The following NBEAL2 variants were observed in gnomAD, a reference collection of about 807,000 sequenced individuals.
NBEAL2 encodes the protein neurobeachin-like protein 2.
In NBEAL2, 160 loss-of-function variants were observed where a neutral mutation model predicts 299.8. The observed-to-expected ratio is 0.53, with a 90% confidence interval of 0.47 to 0.61. The LOEUF (loss-of-function observed/expected upper bound fraction) is 0.61. NBEAL2 is among the 20% of genes least tolerant of loss of function. The probability of loss-of-function intolerance (pLI) is 0.00; values close to 1 mark genes in which losing one functional copy is unlikely to be tolerated. For synonymous variants in NBEAL2, 1,493 were observed against 1,542.3 expected, an observed-to-expected ratio of 0.97 and a Z score of 0.75; for missense variants, 3,112 against 3,649.0, an observed-to-expected ratio of 0.85 and a Z score of 3.79.
rs186837008 is a variant in NBEAL2, at chr3:46,991,033, A to G, written c.557-186A>G. On this transcript the variant is annotated intron_variant, in intron 6 of 53. Transcript: ENST00000450053. The surrounding 1 kb of genome is among the most constrained non-coding windows in gnomAD (Gnocchi z 6.2). ...AAGGGTTGTCCCTTTCAGGCCCTCTACTATACAGCCATAACTCCTTAGATG... is the reference window on the plus strand; with the variant it reads ...AAGGGTTGTCCCTTTCAGGCCCTCTGCTATACAGCCATAACTCCTTAGATG... Among the ~76,000 whole-genome samples, 8 of 152,106 alleles carry G rather than the reference A, an allele frequency of 5.3e-5. No homozygotes were observed. The highest frequency in any genetic ancestry group is 6.5e-5 in the Admixed American group (1 of 15,278).
chr3:47,009,418 A>AGGGGGGTGAGC lies in NBEAL2; in HGVS notation c.*103_*113dup. 1 of 1,030,442 alleles carries AGGGGGGTGAGC rather than the reference A, an allele frequency of 9.7e-7. No homozygotes were observed. Among genetic ancestry groups the AGGGGGGTGAGC allele is most frequent in the East Asian group, 2.7e-5 (1 of 37,180 alleles). 63.8% of individuals were successfully genotyped at this position (1,030,442 alleles called of 1,614,324 possible). A position where few individuals can be genotyped will look rare whatever the true frequency, so the allele number is the denominator to read the frequency against. On this transcript the variant is annotated 3_prime_UTR_variant, in exon 54 of 54. Coordinates refer to ENST00000450053, the MANE Select transcript of NBEAL2 (RefSeq NM_015175.3). ...GGGAACACCCCGGGGTGGGCAGCCC[A>AGGGGGGTGAGC]GGGGGGTGAGCGGGGCCCACCCTGC...
chr3:46,999,262 T>C, intron 24 of NBEAL2, 53 bp from the exon 25 acceptor site: 1 of 1,567,372 alleles, frequency 6.4e-7, no homozygotes, highest in Non-Finnish European at 8.7e-7. Context: ...TGACTTCCCC[T>C]CCTACAGTAA....
chr3:47,003,720 A>G lies in NBEAL2; in HGVS notation c.5721-96A>G, dbSNP rs1358974032. On this transcript the variant is annotated intron_variant, in intron 35 of 53. Transcript: ENST00000450053. The surrounding 1 kb of genome is among the most constrained non-coding windows in gnomAD (Gnocchi z 7.0). ...CCCCATCTCTGGGAGTCATGAGAGT[A>G]TATACCCCATGACTCAATGGCACTT... 3 of 1,419,192 alleles carry G rather than the reference A, an allele frequency of 2.1e-6. No individual in the cohort carries two copies. Among genetic ancestry groups the G allele is most frequent in the Non-Finnish European group, 2.8e-6 (3 of 1,056,312 alleles). 87.9% of individuals were successfully genotyped at this position (1,419,192 alleles called of 1,614,324 possible). A position where few individuals can be genotyped will look rare whatever the true frequency, so the allele number is the denominator to read the frequency against.
Position 47,005,857 on chromosome 3 carries a change from G to A in NBEAL2, c.6801+10G>A. 6.2e-7 allele frequency: 1 copy of A among 1,613,158 alleles called. No individual in the cohort carries two copies. Among genetic ancestry groups the A allele is most frequent in the Non-Finnish European group, 8.5e-7 (1 of 1,179,628 alleles). On this transcript the variant is annotated intron_variant, in intron 42 of 53. Transcript: ENST00000450053. ...GCACCGCCAGGCTCTGGTGAGGAAG[G>A]AACCACAGGCAAACGGCAGGCAGCC...
intron 18 of NBEAL2, 104 bp from the exon 19 acceptor site, chr3:46,997,155 C>A: frequency 7.0e-6 from 11 of 1,561,136 alleles, no homozygotes; most frequent in Non-Finnish European, 9.6e-6. Flanking sequence ...TTTGGACAGT[C>A]CAGCTCAAGA....
In NBEAL2 at chr3:47,007,655, C is replaced by G. The variant is rs774585045; in HGVS notation, c.7465C>G (p.Leu2489Val). The change falls in exon 48 of 54, where the codon CTA becomes GTA. Residue 2489 changes from leucine (L) to valine (V), a missense_variant. Leu to Val is a conservative substitution (Grantham distance 32). This residue lies in a region of NBEAL2 where 348 missense variants were observed against 381.4 expected (regional missense o/e 0.91). Coordinates refer to ENST00000450053, the MANE Select transcript of NBEAL2 (RefSeq NM_015175.3). ...GGATGGCAGCCTGCGGGTGACTGCA[C>G]TACCCCGTGGCAAGCTGTTGAGCCA... ...HWDGSLRVTA[L>V]PRGKLLSQLS... The G allele has an allele frequency of 6.2e-7, 1 of 1,611,072 alleles. No individual in the cohort carries two copies. The highest frequency in any genetic ancestry group is 8.5e-7 in the Non-Finnish European group (1 of 1,178,834).
chr3:46,999,949 T>G lies in NBEAL2; in HGVS notation c.3850T>G (p.Trp1284Gly). ...VVRLLARQAG[W>G]QDVLTRLYVL... ...GCGGCTTCTGGCCCGACAGGCTGGCTGGCAAGATGTGCTGACCCGGCTATA... is the reference window on the plus strand; with the variant it reads ...GCGGCTTCTGGCCCGACAGGCTGGCGGGCAAGATGTGCTGACCCGGCTATA... Residue 1284 changes from tryptophan (W) to glycine (G), a missense_variant, in exon 27 of 54, where the codon TGG (tryptophan) becomes GGG (glycine). Physicochemically the swap from Trp to Gly is radical, Grantham distance 184. Around this residue, in one of 3 missense-constraint regions of NBEAL2, gnomAD observed 2,243 missense variants for 2,538.1 expected, o/e 0.88. Coordinates refer to ENST00000450053, the MANE Select transcript of NBEAL2 (RefSeq NM_015175.3). The G allele has an allele frequency of 6.2e-7, 1 of 1,611,706 alleles. No homozygotes were observed. The highest frequency in any genetic ancestry group is 8.5e-7 in the Non-Finnish European group (1 of 1,179,422).
chr3:46,997,983 G>T lies in NBEAL2; in HGVS notation c.2959-84G>T. The T allele has an allele frequency of 3.4e-6, 5 of 1,451,120 alleles. No homozygotes were observed. In the South Asian group the frequency reaches 5.5e-5, roughly 16 times the overall value. 89.9% of individuals were successfully genotyped at this position (1,451,120 alleles called of 1,614,324 possible). A position where few individuals can be genotyped will look rare whatever the true frequency, so the allele number is the denominator to read the frequency against. ...GGCCATGTTTGTGGCCGTCATGGCT[G>T]TGCAGGGAAGAGTGGCAGCTGAAAA... On this transcript the variant is annotated intron_variant, in intron 20 of 53. Coordinates refer to ENST00000450053, the MANE Select transcript of NBEAL2 (RefSeq NM_015175.3).
rs748599152 is a variant in NBEAL2, at chr3:46,996,720, C to A, written c.2474-31C>A. Reference sequence around the variant, plus strand: ...GGATGGGGTTTGGCCAGAGGCCTAGCAAGGTCTGAAGCCCCCTGCCCACCT... The same window carrying A: ...GGATGGGGTTTGGCCAGAGGCCTAGAAAGGTCTGAAGCCCCCTGCCCACCT... On this transcript the variant is annotated intron_variant, in intron 16 of 53. Transcript: ENST00000450053. 5.6e-6 allele frequency: 9 copies of A among 1,602,964 alleles called. No homozygotes were observed. In the South Asian group the frequency reaches 8.9e-5, roughly 16 times the overall value.
At position 47,008,395 on chromosome 3, in the gene NBEAL2, G is replaced by A. The variant is rs949059196; in HGVS notation, c.7832G>A (p.Gly2611Asp). Residue 2611 changes from glycine to aspartate, a missense_variant, in exon 51 of 54, where the codon GGC becomes GAC. Gly to Asp is a moderately conservative substitution (Grantham distance 94). Transcript: ENST00000450053. ...TTCCACCTGGCATTGGGGTCCGAAGGCCAGATTGTGGTACAGAGCTCAGCG... is the reference window on the plus strand; with the variant it reads ...TTCCACCTGGCATTGGGGTCCGAAGACCAGATTGTGGTACAGAGCTCAGCG... Reference protein sequence around the residue: ...PIFHLALGSEGQIVVQSSAWE... With the variant: ...PIFHLALGSEDQIVVQSSAWE... 1.2e-6 allele frequency: 2 copies of A among 1,613,958 alleles called. No homozygotes were observed. Among genetic ancestry groups the A allele is most frequent in the South Asian group, 2.2e-5 (2 of 91,086 alleles).
In NBEAL2 at chr3:47,005,847, G is replaced by C; in HGVS notation, c.6801G>C (p.Leu2267=). 1 of 1,613,336 alleles carries C rather than the reference G, an allele frequency of 6.2e-7. No individual in the cohort carries two copies. Among genetic ancestry groups the C allele is most frequent in the Non-Finnish European group, 8.5e-7 (1 of 1,179,746 alleles). Reference sequence around the variant, plus strand: ...TCATCCAGCAGCACCGCCAGGCTCTGGTGAGGAAGGAACCACAGGCAAACG... The same window carrying C: ...TCATCCAGCAGCACCGCCAGGCTCTCGTGAGGAAGGAACCACAGGCAAACG... The part of the protein sequence containing the change: ...EDFIQQHRQA[L]ESEYVSAHLH... The change falls in exon 42 of 54, where the codon CTG becomes CTC. Residue 2267 remains leucine (L), a splice_region_variant and synonymous_variant. Transcript: ENST00000450053.
intron 10 of NBEAL2, among the ~76,000 whole-genome samples, 184 bp downstream of exon 10, chr3:46,992,739 G>GA (rs1263960049): frequency 6.6e-6 from 1 of 152,218 alleles, no homozygotes; most frequent in Non-Finnish European, 1.5e-5. Flanking sequence ...AGGACAGAAG[G>GA]TGGTCTATCC....
In NBEAL2 at chr3:46,994,518, C is replaced by T. The variant is rs1440653530; in HGVS notation, c.1261C>T (p.Pro421Ser). ...LQEVLQSHGP[P>S]THRLLQELLN... The stretch of plus-strand genomic sequence containing the variant: ...GGAGGTTCTGCAGAGCCATGGTCCC[C>T]CCACCCATCGGCTGTTGCAAGAGCT... The change falls in exon 12 of 54, where the codon CCC becomes TCC. Residue 421 changes from proline to serine, a missense_variant. Pro to Ser is a moderately conservative substitution (Grantham distance 74). This residue lies in a region of NBEAL2 where 2,243 missense variants were observed against 2,538.1 expected (regional missense o/e 0.88). Coordinates refer to ENST00000450053, the MANE Select transcript of NBEAL2 (RefSeq NM_015175.3). 3.1e-6 allele frequency: 5 copies of T among 1,592,710 alleles called. No homozygotes were observed. Among genetic ancestry groups the T allele is most frequent in the South Asian group, 1.1e-5 (1 of 87,936 alleles).
intron 10 of NBEAL2, among the ~76,000 whole-genome samples, chr3:46,993,372 G>C (rs890207873): frequency 6.6e-6 from 1 of 152,202 alleles, no homozygotes; most frequent in Non-Finnish European, 1.5e-5. Context: ...GACCCCCTCA[G>C]GGTGGGGCAG....
rs1397004161 is a variant in NBEAL2, at chr3:47,005,748, G to A, written c.6702G>A (p.Leu2234=). The A allele has an allele frequency of 6.2e-7, 1 of 1,613,164 alleles. No homozygotes were observed. The highest frequency in any genetic ancestry group is 8.5e-7 in the Non-Finnish European group (1 of 1,179,880). ...DFLENQNGFD[L]GCLQLTNEKV... ...AGTCCTCTGTGCCAGGTTTTGACCTGGGCTGTCTCCAGCTGACCAACGAGA... is the reference window on the plus strand; with the variant it reads ...AGTCCTCTGTGCCAGGTTTTGACCTAGGCTGTCTCCAGCTGACCAACGAGA... The change falls in exon 42 of 54, where the codon CTG becomes CTA. Residue 2234 remains leucine, a synonymous_variant. Transcript: ENST00000450053.
In NBEAL2 at chr3:47,004,477, G is replaced by A; in HGVS notation, c.6199-18G>A. On this transcript the variant is annotated intron_variant, in intron 37 of 53. Coordinates refer to ENST00000450053, the MANE Select transcript of NBEAL2 (RefSeq NM_015175.3). This position sits in a 1 kb window ranked among gnomAD's most constrained non-coding sequence, Gnocchi z 5.0. ...GGACAGCCCACCTGGCTCACATCTT[G>A]TCTGCCCCTGTCCCCAGAAATGGGT... The A allele has an allele frequency of 6.2e-7, 1 of 1,612,042 alleles. No individual in the cohort carries two copies. Among genetic ancestry groups the A allele is most frequent in the South Asian group, 1.1e-5 (1 of 91,010 alleles).
rs2035184756 is a variant in NBEAL2, at chr3:46,979,882, G to T, written c.21G>T (p.Leu7=). The change falls in exon 1 of 54, where the codon CTG becomes CTT. Residue 7 remains leucine (L), a synonymous_variant. Coordinates refer to ENST00000450053, the MANE Select transcript of NBEAL2 (RefSeq NM_015175.3). Reference sequence around the variant, plus strand: ...GGGCCATGGCCGCCTCGGAGCGGCTGTACGAGTTGTGGCTGCTCTACTACG... The same window carrying T: ...GGGCCATGGCCGCCTCGGAGCGGCTTTACGAGTTGTGGCTGCTCTACTACG... MAASER[L]YELWLLYYAQ... 1 of 470,266 alleles carries T rather than the reference G, an allele frequency of 2.1e-6. No individual in the cohort carries two copies. 29.1% of individuals were successfully genotyped at this position (470,266 alleles called of 1,614,324 possible).
intron 10 of NBEAL2, among the ~76,000 whole-genome samples, chr3:46,993,047 G>A (rs1274673135): frequency 1.3e-5 from 2 of 152,196 alleles, no homozygotes; most frequent in African/African-American, 2.4e-5. Context: ...GCTTCACAGC[G>A]GGCACCCTTT....
rs751195170 is a variant in NBEAL2 at position 47,002,091 on chromosome 3, G to T, written c.4954G>T (p.Ala1652Ser). The change falls in exon 31 of 54, where the codon GCA becomes TCA. Residue 1652 changes from alanine (A) to serine (S), a missense_variant. This residue lies in a region of NBEAL2 where 2,243 missense variants were observed against 2,538.1 expected (regional missense o/e 0.88). Transcript: ENST00000450053. ...TGAGGCAGGGTCCCCACTTGCAGCT[G>T]CAGCAGCTGCAGCAGCTGCAGAGCG... is the stretch of plus-strand genomic sequence containing the variant. ...TDEAGSPLAA[A>S]AAAAAAERCS... is the part of the protein sequence containing the mutation. The T allele has an allele frequency of 6.5e-7, 1 of 1,547,322 alleles. No homozygotes were observed.
Sources: gnomAD v4.1 joint callset for allele counts (sites outside exome capture counted in the v4.1 genomes callset) on GRCh38, gnomAD v4.1.1 for gene constraint, gnomAD v4.1.1 regional missense constraint, Gnocchi (gnomAD v3.1) non-coding constraint, MANE v1.5 for transcripts, NCBI Gene and HGNC (gene_info 2026-07-23, HGNC 2026-07-21) for gene names.